The following DCDC1 variants were observed in gnomAD, a reference collection of about 807,000 sequenced individuals.
DCDC1 encodes doublecortin domain containing 1, also known as doublecortin domain-containing protein 1.
DCDC1 carries 200 observed loss-of-function variants against 178.3 expected under a neutral mutation model. That is an observed-to-expected ratio of 1.12 (90% CI 1.00 to 1.26). The LOEUF is 1.26. Ranked by LOEUF, DCDC1 falls within the 50% of genes most tolerant of loss-of-function variation. The pLI is 0.00. For missense variants in DCDC1, 1,983 were observed against 1,749.2 expected, an observed-to-expected ratio of 1.13 and a Z score of -2.38; for synonymous variants, 690 against 604.8, an observed-to-expected ratio of 1.14 and a Z score of -2.07.
chr11:31,250,509 A>G (rs1162469584), intron 8 of DCDC1, among the ~76,000 whole-genome samples: 1 of 146,908 alleles, frequency 6.8e-6, no homozygotes, highest in African/African-American at 2.5e-5. Flanking sequence ...CAACCCCCCT[A>G]AAACACCCTA....
intron 2 of DCDC1, among the ~76,000 whole-genome samples, chr11:31,332,975 G>A (rs1169811331): frequency 6.6e-6 from 1 of 152,166 alleles, no homozygotes; most frequent in Non-Finnish European, 1.5e-5. Flanking sequence ...AATACTGACA[G>A]TGGGGTGTTA....
chr11:30,900,589 C>A, intron 32 of DCDC1, 91 bp from the exon 33 acceptor site: 1 of 1,215,568 alleles, frequency 8.2e-7, no homozygotes, highest in South Asian at 2.6e-5. Context: ...TTTTATTATT[C>A]ATTAATAACT....
At chr11:31,272,944 G>C (rs1945681221) in intron 7 of DCDC1, among the ~76,000 whole-genome samples, 1 of 152,168 alleles carries the variant, frequency 6.6e-6, no homozygotes, top group African/African-American at 2.4e-5. Context: ...CCAAGGCTTG[G>C]GGCTTGCACC....
At chr11:31,079,785 G>T (rs577039281) in intron 17 of DCDC1, among the ~76,000 whole-genome samples, 10 of 152,254 alleles carry the variant, frequency 6.6e-5, no homozygotes, top group Admixed American at 4.6e-4. Context: ...ATGATTTGAT[G>T]ATTGAATAAA....
At chr11:31,218,658 T>C (rs568094773) in intron 9 of DCDC1, among the ~76,000 whole-genome samples, 83 of 152,260 alleles carry the variant, frequency 5.5e-4, no homozygotes, top group Non-Finnish European at 1.0e-3. Flanking sequence ...CATAATAAAA[T>C]GTAACAGCTA....
chr11:31,217,976 A>G (rs867421955), intron 9 of DCDC1, among the ~76,000 whole-genome samples: 2 of 152,162 alleles, frequency 1.3e-5, no homozygotes, highest in African/African-American at 4.8e-5. Context: ...TTGAAAATCT[A>G]TGCTATATAT....
chr11:30,868,337 G>A (rs565887229), intron 38 of DCDC1, among the ~76,000 whole-genome samples: 1 of 125,294 alleles, frequency 8.0e-6, no homozygotes, highest in African/African-American at 3.1e-5. Flanking sequence ...TGCAGCCTCC[G>A]CCTCCCGGGT....
intron 20 of DCDC1, among the ~76,000 whole-genome samples, chr11:31,017,625 G>C (rs1471453460): frequency 2.0e-5 from 3 of 151,110 alleles, no homozygotes; most frequent in African/African-American, 7.3e-5. Flanking sequence ...TGTCTCCCAG[G>C]CTGGAGTGCA....
At position 31,180,537 on chromosome 11, in the gene DCDC1, C is replaced by CGGCTGCTATGGG. The variant is rs1286574595; in HGVS notation, c.1222-42754_1222-42753insCCCATAGCAGCC. ...ATTGGGACGGGTTAGACAGTGGGAG[C>CGGCTGCTATGGG]AGACCATGGAGGGTGAGCTGAAGCA... On this transcript the variant is annotated intron_variant, in intron 9 of 38. Transcript: ENST00000684477. Among the ~76,000 whole-genome samples the CGGCTGCTATGGG allele has an allele frequency of 7.9e-5, 12 of 152,214 alleles. 1 individual carries two copies. The highest frequency in any genetic ancestry group is 6.5e-4 in the Admixed American group (10 of 15,306).
chr11:31,196,753 A>C (rs1285220251), intron 9 of DCDC1, among the ~76,000 whole-genome samples: 1 of 152,066 alleles, frequency 6.6e-6, no homozygotes, highest in Non-Finnish European at 1.5e-5. Context: ...AGGATTCTTT[A>C]CATAGGCATG....
intron 20 of DCDC1, among the ~76,000 whole-genome samples, chr11:31,054,565 C>T (rs968605140): frequency 6.6e-6 from 1 of 152,082 alleles, no homozygotes; most frequent in African/African-American, 2.4e-5. Context: ...AATCTGGAGG[C>T]ATCACACTGA....
intron 9 of DCDC1, among the ~76,000 whole-genome samples, chr11:31,233,123 A>G (rs1376152165): frequency 3.3e-5 from 5 of 152,040 alleles, no homozygotes; most frequent in Non-Finnish European, 5.9e-5. Context: ...ACCTTATTTA[A>G]TCTTCACAAC....
At chr11:31,229,261 T>C (rs1975436559) in intron 9 of DCDC1, among the ~76,000 whole-genome samples, 1 of 152,048 alleles carries the variant, frequency 6.6e-6, no homozygotes, top group Non-Finnish European at 1.5e-5. Context: ...AAGCCAGCAT[T>C]ACCCTAATAC....
intron 9 of DCDC1, among the ~76,000 whole-genome samples, chr11:31,233,276 T>C (rs562857326): frequency 1.3e-5 from 2 of 152,298 alleles, no homozygotes; most frequent in East Asian, 3.9e-4. Context: ...ATAGAATCTG[T>C]ATCACATATT....
chr11:31,098,363 G>A (rs1382329317), intron 15 of DCDC1, among the ~76,000 whole-genome samples: 1 of 152,162 alleles, frequency 6.6e-6, no homozygotes, highest in Non-Finnish European at 1.5e-5. Context: ...AATTGTCAAT[G>A]TGTAGTAGAT....
intron 18 of DCDC1, among the ~76,000 whole-genome samples, chr11:31,069,841 A>T (rs1171779009): frequency 6.6e-6 from 1 of 152,196 alleles, no homozygotes; most frequent in Non-Finnish European, 1.5e-5. Flanking sequence ...AATATATAAT[A>T]TATCCAGTGA....
chr11:30,916,972 T>C lies in DCDC1; in HGVS notation c.3350A>G (p.Tyr1117Cys). ...RMKACHTLPR[Y>C]AWQETSHDFD... ...GTCATGTGAAGTTTCCTGCCAGGCA[T>C]ACCTGGGAAGTGTGTGACAAGCCTT... The change falls in exon 26 of 39, where the codon TAT (tyrosine) becomes TGT (cysteine). Residue 1117 changes from tyrosine to cysteine, a missense_variant. Coordinates refer to ENST00000684477, the MANE Select transcript of DCDC1 (RefSeq NM_001387274.1). 1 of 1,611,140 alleles carries C rather than the reference T, an allele frequency of 6.2e-7. No individual in the cohort carries two copies. Among genetic ancestry groups the C allele is most frequent in the Non-Finnish European group, 8.5e-7 (1 of 1,178,692 alleles).
chr11:30,909,981 A>G (rs1299207947), intron 28 of DCDC1, among the ~76,000 whole-genome samples: 1 of 152,190 alleles, frequency 6.6e-6, no homozygotes, highest in African/African-American at 2.4e-5. Context: ...CTTAATAGCA[A>G]AGAAGAAAAT....
At chr11:31,019,664 C>G (rs1299023498) in intron 20 of DCDC1, among the ~76,000 whole-genome samples, 1 of 152,144 alleles carries the variant, frequency 6.6e-6, no homozygotes, top group Non-Finnish European at 1.5e-5. Flanking sequence ...TGTCACGCCC[C>G]ATTTAAATTC....
Sources: gnomAD v4.1 joint callset for allele counts (sites outside exome capture counted in the v4.1 genomes callset) on GRCh38, gnomAD v4.1.1 for gene constraint, MANE v1.5 for transcripts, NCBI Gene and HGNC (gene_info 2026-07-23, HGNC 2026-07-21) for gene names.